SAP130: variants seen among roughly 807,000 people sequenced by gnomAD.
SAP130 encodes Sin3A associated protein 130.
SAP130 carries 16 observed loss-of-function variants against 103.2 expected under a neutral mutation model. That is an observed-to-expected ratio of 0.16 (90% CI 0.10 to 0.24). The LOEUF is 0.24. Among genes scored for constraint, SAP130 ranks in the 10% least tolerant of loss-of-function variants. The pLI, the probability that SAP130 is intolerant of heterozygous loss-of-function variation, is 1.00. For missense variants in SAP130, 990 were observed against 1,359.7 expected (o/e 0.73, Z 4.28); for synonymous variants, 477 against 497.0 (o/e 0.96, Z 0.53).
At position 128,000,401 on chromosome 2, in the gene SAP130, C is replaced by T. The variant is rs778238598; in HGVS notation, c.923G>A (p.Arg308His). 1.4e-5 allele frequency: 22 copies of T among 1,613,922 alleles called. No homozygotes were observed. Among genetic ancestry groups the T allele is most frequent in the Middle Eastern group, 1.6e-4 (1 of 6,084 alleles). The part of the protein sequence containing the change: ...HPPSAAISIQ[R>H]PAQSRDVTTR... ...TGTGACATCTCGTGACTGGGCAGGACGCTGAATACTGATTGCTGCAGATGG... is the reference window on the plus strand; with the variant it reads ...TGTGACATCTCGTGACTGGGCAGGATGCTGAATACTGATTGCTGCAGATGG... Residue 308 changes from arginine to histidine, a missense_variant, in exon 8 of 21, where the codon CGT becomes CAT. By Grantham distance (29) the Arg-to-His change is conservative. This residue lies in a region of SAP130 where 336 missense variants were observed against 520.1 expected (regional missense o/e 0.65). Transcript: ENST00000643581.
At chr2:128,012,607 G>A (rs1359067094) in intron 6 of SAP130, among the ~76,000 whole-genome samples, 3 of 151,984 alleles carry the variant, frequency 2.0e-5, no homozygotes, top group Admixed American at 6.6e-5. Flanking sequence ...TAATAATGAG[G>A]TCATAGATTT....
chr2:127,999,970 T>C (rs993837134), intron 9 of SAP130, 86 bp downstream of exon 9: 6 of 1,465,186 alleles, frequency 4.1e-6, no homozygotes, highest in Non-Finnish European at 4.7e-6. Context: ...TGTTTTTCTC[T>C]GACTGAAGGT....
At chr2:128,020,968 C>T (rs1685111475) in intron 2 of SAP130, among the ~76,000 whole-genome samples, 1 of 151,918 alleles carries the variant, frequency 6.6e-6, no homozygotes, top group Admixed American at 6.6e-5. Context: ...CCAGCCTGGG[C>T]AACGAAGCAA....
At position 127,991,124 on chromosome 2, in the gene SAP130, C is replaced by T. The variant is rs936874228; in HGVS notation, c.1478-1258G>A. On this transcript the variant is annotated intron_variant, in intron 12 of 20. Transcript: ENST00000643581. ...AATTAGCTGGGTGTGCTGGCGCATA[C>T]CTATAATACTATCCACTGGGGACAG... 2.0e-5 allele frequency among the ~76,000 whole-genome samples: 3 copies of T among 151,762 alleles called. No individual in the cohort carries two copies. The South Asian group carries it at 6.2e-4, about 32-fold the overall frequency.
At chr2:127,962,636 CCAAATACCGCATGTTCTCACT>C (rs1236260800) in intron 15 of SAP130, among the ~76,000 whole-genome samples, 1 of 150,800 alleles carries the variant, frequency 6.6e-6, no homozygotes, top group Non-Finnish European at 1.5e-5. Context: ...GGACAAAAAA[CCAAATACCGCATGTTCTCACT>C]CATAGGTGGG....
At chr2:128,027,562 G>A (rs1306312743) in intron 1 of SAP130, among the ~76,000 whole-genome samples, 1 of 151,850 alleles carries the variant, frequency 6.6e-6, no homozygotes, top group Non-Finnish European at 1.5e-5. Flanking sequence ...AGCGGCGGGC[G>A]CAGGGCCCGG....
chr2:127,988,930 A>G (rs1682588202), intron 13 of SAP130, among the ~76,000 whole-genome samples: 1 of 152,186 alleles, frequency 6.6e-6, no homozygotes, highest in Non-Finnish European at 1.5e-5. Context: ...AATTCATAAT[A>G]TTAGCTAACA....
At chr2:128,003,780 G>A (rs1300308432) in intron 7 of SAP130, among the ~76,000 whole-genome samples, 1 of 151,840 alleles carries the variant, frequency 6.6e-6, no homozygotes, top group Non-Finnish European at 1.5e-5. Flanking sequence ...TTTGAGATGA[G>A]AAGTGTTTGA....
At chr2:128,024,837 C>T (rs1450625335) in intron 2 of SAP130, among the ~76,000 whole-genome samples, 2 of 151,750 alleles carry the variant, frequency 1.3e-5, no homozygotes, top group Non-Finnish European at 2.9e-5. Flanking sequence ...TGAGATCGCA[C>T]CACTGCACTC....
rs148921856 is a variant in SAP130, at chr2:127,945,522, C to T, written c.2835G>A (p.Gln945=). The T allele has an allele frequency of 2.4e-5, 38 of 1,613,236 alleles. No homozygotes were observed. The Admixed American group carries it at 4.7e-4, about 20-fold the overall frequency. The change falls in exon 19 of 21, where the codon CAG becomes CAA. Residue 945 remains glutamine, a synonymous_variant. Transcript: ENST00000643581. The stretch of plus-strand genomic sequence containing the variant: ...CTTGAGCACGACAGGATACTCCTTT[C>T]TGATTAGCTATTTCCTGCAGCATAG... The part of the protein sequence containing the change: ...KKAMLQEIAN[Q]KGVSCRAQGW...
chr2:127,941,862 G>A lies in SAP130; in HGVS notation c.*144C>T. 3 of 757,134 alleles carry A rather than the reference G, an allele frequency of 4.0e-6. No homozygotes were observed. The highest frequency in any genetic ancestry group is 4.3e-6 in the Non-Finnish European group (2 of 462,060). The allele number at this position is 757,134 out of a possible 1,614,324, so 46.9% of individuals were successfully genotyped here. A position where few individuals can be genotyped will look rare whatever the true frequency, so the allele number is the denominator to read the frequency against. The stretch of plus-strand genomic sequence containing the variant: ...CTCTGATCCTTTCACGCCCTTGGAT[G>A]TCATGGGTTCCTCTGCTTTCACACG... On this transcript the variant is annotated 3_prime_UTR_variant, in exon 21 of 21. Coordinates refer to ENST00000643581, the MANE Select transcript of SAP130 (RefSeq NM_001330301.2).
chr2:127,944,460 T>A (rs1320198839), intron 19 of SAP130, among the ~76,000 whole-genome samples: 1 of 152,076 alleles, frequency 6.6e-6, no homozygotes, highest in Non-Finnish European at 1.5e-5. Flanking sequence ...GAGGGAGTTT[T>A]GCTCTTTCGC....
chr2:127,947,004 A>C (rs958890477), intron 18 of SAP130, among the ~76,000 whole-genome samples: 2 of 149,844 alleles, frequency 1.3e-5, no homozygotes, highest in African/African-American at 4.9e-5. Context: ...AGAGAGAGAG[A>C]GAGAAAAGGA....
At chr2:127,983,876 C>T (rs1373639546) in intron 14 of SAP130, among the ~76,000 whole-genome samples, 1 of 125,526 alleles carries the variant, frequency 8.0e-6, no homozygotes, top group Non-Finnish European at 1.6e-5. Context: ...CAGAATCACA[C>T]ACAAGTTACC....
chr2:127,976,989 T>A (rs1459134855), intron 15 of SAP130, among the ~76,000 whole-genome samples: 1 of 152,054 alleles, frequency 6.6e-6, no homozygotes. Context: ...AGAACTATTA[T>A]CTTGATCATA....
At chr2:127,992,702 GTCA>G (rs879903349) in intron 12 of SAP130, among the ~76,000 whole-genome samples, 6 of 152,136 alleles carry the variant, frequency 3.9e-5, no homozygotes, top group Non-Finnish European at 7.3e-5. Context: ...CTATTCACAC[GTCA>G]TCATGATGAG....
intron 4 of SAP130, 70 bp from the exon 5 acceptor site, chr2:128,014,984 G>T (rs1056181180): frequency 7.9e-7 from 1 of 1,258,612 alleles, no homozygotes; most frequent in Non-Finnish European, 1.1e-6. Context: ...GAAGTCACCT[G>T]CCTCCAAATG....
In SAP130 at chr2:127,942,592, A is replaced by AC; in HGVS notation, c.2902-56dup. 4 of 1,105,730 alleles carry AC rather than the reference A, an allele frequency of 3.6e-6. No homozygotes were observed. The highest frequency in any genetic ancestry group is 5.5e-6 in the Non-Finnish European group (4 of 723,074). 68.5% of individuals were successfully genotyped at this position (1,105,730 alleles called of 1,614,324 possible). A position where few individuals can be genotyped will look rare whatever the true frequency, so the allele number is the denominator to read the frequency against. The stretch of plus-strand genomic sequence containing the variant: ...AGCTCGGAAATATTTTTCTATGTCA[A>AC]CCCCAGGCAAATGAACCCACCTTCA... On this transcript the variant is annotated intron_variant, in intron 19 of 20. Transcript: ENST00000643581. The surrounding 1 kb of genome is among the most constrained non-coding windows in gnomAD (Gnocchi z 4.8).
intron 7 of SAP130, among the ~76,000 whole-genome samples, chr2:128,008,670 C>T (rs1481099481): frequency 6.6e-6 from 1 of 151,110 alleles, no homozygotes; most frequent in African/African-American, 2.4e-5. Flanking sequence ...TGCACCTAGC[C>T]TAAATCCTTT....
Sources: allele counts gnomAD v4.1 joint callset (sites outside exome capture counted in the v4.1 genomes callset), GRCh38; gene constraint gnomAD v4.1.1; regional missense constraint gnomAD v4.1.1; non-coding constraint Gnocchi (gnomAD v3.1); transcripts MANE v1.5; gene names NCBI Gene and HGNC (gene_info 2026-07-23, HGNC 2026-07-21).